The following CTNNA2 variants were observed in gnomAD, a reference collection of about 807,000 sequenced individuals.
CTNNA2 encodes the protein catenin alpha 2.
Under a neutral mutation model 101.0 loss-of-function variants are expected in CTNNA2, and 42 were observed. The observed-to-expected ratio is 0.42, with a 90% CI of 0.32 to 0.54. The LOEUF is 0.54. CTNNA2 is among the 20% of genes least tolerant of loss of function. The probability of loss-of-function intolerance (pLI) is 0.14; values close to 1 mark genes in which losing one functional copy is unlikely to be tolerated. For synonymous variants in CTNNA2, 450 were observed against 456.4 expected (o/e 0.99, Z 0.18); for missense variants, 871 against 1,223.1 (o/e 0.71, Z 4.29).
At chr2:80,467,408 A>G (rs1422593806) in intron 9 of CTNNA2, among the ~76,000 whole-genome samples, 1 of 152,216 alleles carries the variant, frequency 6.6e-6, no homozygotes, top group Non-Finnish European at 1.5e-5. Flanking sequence ...AGACACTACT[A>G]GGGGAAGATA....
intron 12 of CTNNA2, among the ~76,000 whole-genome samples, chr2:80,571,275 G>C (rs1694573523): frequency 6.6e-6 from 1 of 152,168 alleles, no homozygotes; most frequent in Admixed American, 6.5e-5. Flanking sequence ...TTAAGTGTTT[G>C]ATCACAGTCA....
chr2:79,904,853 G>A (rs1685313000), intron 6 of CTNNA2, among the ~76,000 whole-genome samples: 1 of 152,216 alleles, frequency 6.6e-6, no homozygotes, highest in Non-Finnish European at 1.5e-5. Flanking sequence ...AATGATAAGA[G>A]CAATTTAAAA....
At chr2:79,989,374 G>A (rs1012703931) in intron 7 of CTNNA2, among the ~76,000 whole-genome samples, 2 of 152,170 alleles carry the variant, frequency 1.3e-5, no homozygotes, top group African/African-American at 2.4e-5. Flanking sequence ...TGTAATCCCA[G>A]CACTTTGGCA....
intron 6 of CTNNA2, among the ~76,000 whole-genome samples, chr2:79,874,803 C>T (rs905178446): frequency 3.3e-5 from 5 of 152,126 alleles, no homozygotes; most frequent in African/African-American, 4.8e-5. Flanking sequence ...AGCAAAACTC[C>T]GTCTCGGGGA....
chr2:80,272,885 T>G (rs1017573846), intron 7 of CTNNA2, among the ~76,000 whole-genome samples: 8 of 152,174 alleles, frequency 5.3e-5, no homozygotes, highest in South Asian at 2.1e-4. Context: ...AGGGTCAAAG[T>G]TTATCTTTCT....
At chr2:79,571,374 A>C (rs1355297880) in intron 1 of CTNNA2, among the ~76,000 whole-genome samples, 3 of 152,130 alleles carry the variant, frequency 2.0e-5, no homozygotes, top group Non-Finnish European at 4.4e-5. Flanking sequence ...TGAGATATGA[A>C]TCCCCTTTAA....
chr2:79,744,208 C>T (rs1358602632), intron 2 of CTNNA2, among the ~76,000 whole-genome samples, 179 bp from the exon 3 acceptor site: 1 of 152,092 alleles, frequency 6.6e-6, no homozygotes, highest in Non-Finnish European at 1.5e-5. Context: ...GTATGATAAT[C>T]CACATAATTT....
chr2:79,650,491 G>T (rs552459742), intron 1 of CTNNA2, among the ~76,000 whole-genome samples: 111 of 151,998 alleles, frequency 7.3e-4, no homozygotes, highest in African/African-American at 2.1e-3. Flanking sequence ...GTAGCCTTTT[G>T]TTATAAAGGG....
chr2:80,482,419 C>A (rs1038246214), intron 9 of CTNNA2, among the ~76,000 whole-genome samples: 4 of 152,074 alleles, frequency 2.6e-5, no homozygotes, highest in African/African-American at 7.2e-5. Context: ...CTGGAAAGGG[C>A]CTATTGTGAT....
At chr2:79,848,242 A>T (rs984951662) in intron 3 of CTNNA2, among the ~76,000 whole-genome samples, 1 of 152,200 alleles carries the variant, frequency 6.6e-6, no homozygotes, top group Admixed American at 6.5e-5. Flanking sequence ...GTGTTGCACA[A>T]TGAAATTTAC....
chr2:80,352,676 G>A (rs2862287), intron 7 of CTNNA2, among the ~76,000 whole-genome samples: 58,974 of 151,962 alleles, frequency 0.39, 14,082 homozygotes, highest in African/African-American at 0.68. Flanking sequence ...ATTATTTAAT[G>A]GATTGTGGAA....
chr2:80,146,009 T>C (rs559973102), intron 7 of CTNNA2, among the ~76,000 whole-genome samples: 16 of 152,342 alleles, frequency 1.1e-4, no homozygotes, highest in African/African-American at 3.8e-4. Flanking sequence ...GTAACTTCCA[T>C]GGCCATGCTG....
intron 7 of CTNNA2, among the ~76,000 whole-genome samples, chr2:80,125,906 A>G (rs1217130131): frequency 6.6e-6 from 1 of 152,180 alleles, no homozygotes; most frequent in Non-Finnish European, 1.5e-5. Flanking sequence ...AGGCTATTGT[A>G]CTTTTCTGCA....
chr2:79,750,008 T>A (rs1406111003), intron 3 of CTNNA2, among the ~76,000 whole-genome samples: 3 of 152,154 alleles, frequency 2.0e-5, no homozygotes, highest in Admixed American at 2.0e-4. Context: ...ATTGAGTAGC[T>A]CGGTATGGCT....
At chr2:80,108,609 T>C (rs1701026917) in intron 7 of CTNNA2, among the ~76,000 whole-genome samples, 2 of 152,230 alleles carry the variant, frequency 1.3e-5, no homozygotes, top group Non-Finnish European at 2.9e-5. Context: ...ATAAAATCGA[T>C]CTGCCTTCCT....
At chr2:80,515,819 G>A (rs1434494663) in intron 9 of CTNNA2, among the ~76,000 whole-genome samples, 1 of 152,184 alleles carries the variant, frequency 6.6e-6, no homozygotes, top group African/African-American at 2.4e-5. Flanking sequence ...AATCAATTGA[G>A]GCTTCAGATT....
chr2:80,632,618 CT>C (rs2149834394), intron 18 of CTNNA2, among the ~76,000 whole-genome samples: 1 of 152,192 alleles, frequency 6.6e-6, no homozygotes, highest in East Asian at 1.9e-4. Context: ...AAGAAAACTT[CT>C]TTTAGAAGTA....
chr2:80,499,729 G>A (rs1687730943), intron 9 of CTNNA2, among the ~76,000 whole-genome samples: 1 of 152,078 alleles, frequency 6.6e-6, no homozygotes, highest in Non-Finnish European at 1.5e-5. Context: ...ACTGAGGCAG[G>A]AGAATTGCTT....
chr2:79,966,796 C>G (rs570913662), intron 7 of CTNNA2, among the ~76,000 whole-genome samples: 1 of 152,226 alleles, frequency 6.6e-6, no homozygotes, highest in Non-Finnish European at 1.5e-5. Context: ...GATTACTATG[C>G]CTTTATTGCA....
Sources: allele counts gnomAD v4.1 joint callset (sites outside exome capture counted in the v4.1 genomes callset), GRCh38; gene constraint gnomAD v4.1.1; transcripts MANE v1.5; gene names NCBI Gene and HGNC (gene_info 2026-07-23, HGNC 2026-07-21).